AGPAT4: variants seen among roughly 807,000 people sequenced by gnomAD.
AGPAT4 encodes the protein 1-acylglycerol-3-phosphate O-acyltransferase 4, also known as 1-acyl-sn-glycerol-3-phosphate acyltransferase delta.
A neutral mutation model predicts 48.0 loss-of-function variants in AGPAT4; 15 were observed. The ratio of observed to expected loss-of-function variants is 0.31; its 90% CI spans 0.21 to 0.48. The LOEUF (loss-of-function observed/expected upper bound fraction) is 0.48, where lower values mean the gene tolerates loss of function less well. Ranked by LOEUF, AGPAT4 falls within the 20% of genes least tolerant of loss-of-function variation. AGPAT4 has a pLI of 0.99. For missense variants in AGPAT4, 314 were observed against 482.5 expected, an observed-to-expected ratio of 0.65 and a Z score of 3.27; for synonymous variants, 178 against 198.7, an observed-to-expected ratio of 0.90 and a Z score of 0.88.
intron 2 of AGPAT4, among the ~76,000 whole-genome samples, chr6:161,179,493 G>A (rs1780526929): frequency 1.3e-5 from 2 of 152,178 alleles, no homozygotes; most frequent in South Asian, 4.1e-4. Context: ...GTGAAGAGCA[G>A]ATGCTAAAAT....
rs1781281633 is a variant in AGPAT4, at chr6:161,203,216, G to A, written c.178+28820C>T. On this transcript the variant is annotated intron_variant, in intron 2 of 8. Transcript: ENST00000320285. ...TCTCTCTCTCTCCCATTAGGTTGTCGGATTGTAAGTCTTCTAGGGCCTAGG... is the reference window on the plus strand; with the variant it reads ...TCTCTCTCTCTCCCATTAGGTTGTCAGATTGTAAGTCTTCTAGGGCCTAGG... 7.2e-5 allele frequency among the ~76,000 whole-genome samples: 11 copies of A among 152,098 alleles called. No homozygotes were observed. The South Asian group carries it at 2.1e-3, about 29-fold the overall frequency.
In AGPAT4 at chr6:161,139,123, G is replaced by A. The variant is rs1779168475; in HGVS notation, c.1042+299C>T. 6.6e-6 allele frequency among the ~76,000 whole-genome samples: 1 copy of A among 152,208 alleles called. No individual in the cohort carries two copies. The highest frequency in any genetic ancestry group is 1.5e-5 in the Non-Finnish European group (1 of 68,030). The stretch of plus-strand genomic sequence containing the variant: ...CAGAGCTGTCTGCGGAGGACAGGGA[G>A]GGAGCACTCCCAGCTGTCGGGGAGT... On this transcript the variant is annotated intron_variant, in intron 8 of 8. Coordinates refer to ENST00000320285, the MANE Select transcript of AGPAT4 (RefSeq NM_020133.3). This position sits in a 1 kb window ranked among gnomAD's most constrained non-coding sequence, Gnocchi z 9.1.
At position 161,166,904 on chromosome 6, in the gene AGPAT4, C is replaced by G. The variant is rs1269625337; in HGVS notation, c.179-487G>C. 6.6e-6 allele frequency among the ~76,000 whole-genome samples: 1 copy of G among 152,168 alleles called. No individual in the cohort carries two copies. Among genetic ancestry groups the G allele is most frequent in the Non-Finnish European group, 1.5e-5 (1 of 68,036 alleles). On this transcript the variant is annotated intron_variant, in intron 2 of 8. Coordinates refer to ENST00000320285, the MANE Select transcript of AGPAT4 (RefSeq NM_020133.3). The surrounding 1 kb of genome is among the most constrained non-coding windows in gnomAD (Gnocchi z 6.7). ...GAATGGAGAACGGCAGATCCAGCCG[C>G]AGGAGCCCCAGCACCTGCAGGGCAG...
In AGPAT4 at chr6:161,186,608, T is replaced by G. The variant is rs2114997562; in HGVS notation, c.179-20191A>C. On this transcript the variant is annotated intron_variant, in intron 2 of 8. Coordinates refer to ENST00000320285, the MANE Select transcript of AGPAT4 (RefSeq NM_020133.3). ...AAGTCACCCGCTCCGCATGCCAGTC[T>G]CATGCCTTGCCGCCACTTCCTCCTG... Among the ~76,000 whole-genome samples, 2 of 152,188 alleles carry G rather than the reference T, an allele frequency of 1.3e-5. 1 individual carries two copies. Among genetic ancestry groups the G allele is most frequent in the South Asian group, 4.2e-4 (2 of 4,816 alleles).
At chr6:161,190,587 GAAA>G (rs11339502) in intron 2 of AGPAT4, among the ~76,000 whole-genome samples, 17 of 131,328 alleles carry the variant, frequency 1.3e-4, no homozygotes, top group African/African-American at 3.5e-4. Context: ...GAAACCAAGG[GAAA>G]AAAAAAAAAA....
In AGPAT4 at chr6:161,223,860, C is replaced by T. The variant is rs187038827; in HGVS notation, c.178+8176G>A. On this transcript the variant is annotated intron_variant, in intron 2 of 8. Coordinates refer to ENST00000320285, the MANE Select transcript of AGPAT4 (RefSeq NM_020133.3). This position sits in a 1 kb window ranked among gnomAD's most constrained non-coding sequence, Gnocchi z 6.3. ...TTCCTGTGTGACCCTGGGCAAGTCA[C>T]TTAAACTCTCTGTGCCTAACTACTC... Among the ~76,000 whole-genome samples the T allele has an allele frequency of 4.1e-4, 63 of 152,274 alleles. No homozygotes were observed. The highest frequency in any genetic ancestry group is 1.4e-3 in the African/African-American group (58 of 41,548).
At chr6:161,271,298 A>G (rs1783416385) in intron 1 of AGPAT4, among the ~76,000 whole-genome samples, 2 of 152,130 alleles carry the variant, frequency 1.3e-5, no homozygotes, top group Admixed American at 6.5e-5. Context: ...CTCCTCTCCT[A>G]TAAAGCTTCA....
At chr6:161,153,693 C>T (rs759029963) in intron 4 of AGPAT4, among the ~76,000 whole-genome samples, 194 bp from the exon 5 acceptor site, 2 of 149,340 alleles carry the variant, frequency 1.3e-5, no homozygotes, top group African/African-American at 2.5e-5. Flanking sequence ...TCACACACAG[C>T]CCTGGTGTCA....
intron 1 of AGPAT4, among the ~76,000 whole-genome samples, chr6:161,248,377 A>G (rs1782719295): frequency 6.6e-6 from 1 of 152,026 alleles, no homozygotes; most frequent in South Asian, 2.1e-4. Flanking sequence ...GATCGAGACC[A>G]TACTGGCTAA....
rs1419143764 is a variant in AGPAT4, at chr6:161,201,557, A to G, written c.178+30479T>C. On this transcript the variant is annotated intron_variant, in intron 2 of 8. Coordinates refer to ENST00000320285, the MANE Select transcript of AGPAT4 (RefSeq NM_020133.3). This position sits in a 1 kb window ranked among gnomAD's most constrained non-coding sequence, Gnocchi z 6.0. Reference sequence around the variant, plus strand: ...GCGATGTCCCAGGAACTCTCCTGCAATACAGAGCCTCTGTCTTCTTCAGCA... The same window carrying G: ...GCGATGTCCCAGGAACTCTCCTGCAGTACAGAGCCTCTGTCTTCTTCAGCA... Among the ~76,000 whole-genome samples the G allele has an allele frequency of 6.6e-6, 1 of 152,228 alleles. No individual in the cohort carries two copies. The highest frequency in any genetic ancestry group is 1.5e-5 in the Non-Finnish European group (1 of 68,042).
At chr6:161,181,750 T>A (rs1780600877) in intron 2 of AGPAT4, among the ~76,000 whole-genome samples, 1 of 152,074 alleles carries the variant, frequency 6.6e-6, no homozygotes, top group African/African-American at 2.4e-5. Context: ...GCATCTGCTC[T>A]TCCCACTCAC....
At position 161,158,602 on chromosome 6, in the gene AGPAT4, T is replaced by C. The variant is rs1192534662; in HGVS notation, c.349-4292A>G. 1.3e-5 allele frequency among the ~76,000 whole-genome samples: 2 copies of C among 152,158 alleles called. No individual in the cohort carries two copies. Among genetic ancestry groups the C allele is most frequent in the African/African-American group, 2.4e-5 (1 of 41,430 alleles). Reference sequence around the variant, plus strand: ...AAGCAGCCAGCCCCATGACCTGGTCTGCATCTCTGGCAAGTGGGCCAGCCC... The same window carrying C: ...AAGCAGCCAGCCCCATGACCTGGTCCGCATCTCTGGCAAGTGGGCCAGCCC... On this transcript the variant is annotated intron_variant, in intron 3 of 8. Transcript: ENST00000320285. The surrounding 1 kb of genome is among the most constrained non-coding windows in gnomAD (Gnocchi z 5.3).
chr6:161,247,897 G>A (rs893438819), intron 1 of AGPAT4, among the ~76,000 whole-genome samples: 7 of 146,816 alleles, frequency 4.8e-5, no homozygotes, highest in East Asian at 4.0e-4. Flanking sequence ...CAGGACAATC[G>A]CTTGAATCCA....
intron 1 of AGPAT4, among the ~76,000 whole-genome samples, chr6:161,263,381 C>T (rs565276287): frequency 6.6e-6 from 1 of 152,206 alleles, no homozygotes; most frequent in African/African-American, 2.4e-5. Context: ...ATCCCAGTTA[C>T]TGGGGAGGCT....
chr6:161,235,492 A>C lies in AGPAT4; in HGVS notation c.-89-3190T>G, dbSNP rs1008443115. 3.3e-5 allele frequency among the ~76,000 whole-genome samples: 5 copies of C among 152,212 alleles called. No homozygotes were observed. Among genetic ancestry groups the C allele is most frequent in the Admixed American group, 6.5e-5 (1 of 15,278 alleles). ...GTGACATACGTCTTAAGTTCATTCC[A>C]GATAGACGTTTTGGGGACCCATCTG... On this transcript the variant is annotated intron_variant, in intron 1 of 8. Coordinates refer to ENST00000320285, the MANE Select transcript of AGPAT4 (RefSeq NM_020133.3). The surrounding 1 kb of genome is among the most constrained non-coding windows in gnomAD (Gnocchi z 6.2).
chr6:161,181,701 G>T (rs1396676301), intron 2 of AGPAT4, among the ~76,000 whole-genome samples: 1 of 152,110 alleles, frequency 6.6e-6, no homozygotes, highest in Non-Finnish European at 1.5e-5. Flanking sequence ...CACCAAACTG[G>T]GAGCCCAGCT....
chr6:161,231,953 C>T lies in AGPAT4; in HGVS notation c.178+83G>A, dbSNP rs1250318746. 3.2e-5 allele frequency: 44 copies of T among 1,376,192 alleles called. No individual in the cohort carries two copies. In the South Asian group the frequency reaches 6.3e-4, roughly 20 times the overall value. 85.2% of individuals were successfully genotyped at this position (1,376,192 alleles called of 1,614,324 possible). A position where few individuals can be genotyped will look rare whatever the true frequency, so the allele number is the denominator to read the frequency against. On this transcript the variant is annotated intron_variant, in intron 2 of 8. Transcript: ENST00000320285. This position sits in a 1 kb window ranked among gnomAD's most constrained non-coding sequence, Gnocchi z 5.3. Reference sequence around the variant, plus strand: ...AAAACAGCTCGGCACACAACGAAAGCCTAGTGAATCCATATCAAGAGCCAT... The same window carrying T: ...AAAACAGCTCGGCACACAACGAAAGTCTAGTGAATCCATATCAAGAGCCAT...
intron 7 of AGPAT4, among the ~76,000 whole-genome samples, chr6:161,145,243 A>G (rs66683315): frequency 0.14 from 21,181 of 151,584 alleles, 2,119 homozygotes; most frequent in African/African-American, 0.24. Context: ...ACACATTTCT[A>G]GGTTCTACCT....
Position 161,178,362 on chromosome 6 carries a change from G to A in AGPAT4, c.179-11945C>T, listed in dbSNP as rs186728048. On this transcript the variant is annotated intron_variant, in intron 2 of 8. Coordinates refer to ENST00000320285, the MANE Select transcript of AGPAT4 (RefSeq NM_020133.3). This position sits in a 1 kb window ranked among gnomAD's most constrained non-coding sequence, Gnocchi z 5.1. ...ATGCCCCTCCCCGAACCTCGCTGCC[G>A]CCTTGCAGTTCGATCAGACTTCTGT... Among the ~76,000 whole-genome samples the A allele has an allele frequency of 2.4e-3, 367 of 152,292 alleles. 1 individual carries two copies. Among genetic ancestry groups the A allele is most frequent in the African/African-American group, 8.2e-3 (341 of 41,564 alleles).
Sources: allele counts gnomAD v4.1 joint callset (sites outside exome capture counted in the v4.1 genomes callset), GRCh38; gene constraint gnomAD v4.1.1; non-coding constraint Gnocchi (gnomAD v3.1); transcripts MANE v1.5; gene names NCBI Gene and HGNC (gene_info 2026-07-23, HGNC 2026-07-21).